Variants in QSER1 observed in about 807,000 individuals in gnomAD.
QSER1 encodes glutamine and serine-rich protein 1.
In QSER1, 49 loss-of-function variants were observed where a neutral mutation model predicts 158.5. That is an observed-to-expected ratio of 0.31 (90% CI 0.25 to 0.39). The LOEUF (loss-of-function observed/expected upper bound fraction) is 0.39. Among genes scored for constraint, QSER1 ranks in the 10% least tolerant of loss-of-function variants. QSER1 has a pLI of 1.00. For synonymous variants in QSER1, 650 were observed against 715.5 expected (o/e 0.91, Z 1.46); for missense variants, 1,754 against 2,010.3 (o/e 0.87, Z 2.44).
At chr11:32,935,546 G>A (rs1852140157) in intron 4 of QSER1, 111 bp downstream of exon 4, 1 of 783,784 alleles carries the variant, frequency 1.3e-6, no homozygotes, top group Non-Finnish European at 2.0e-6. Flanking sequence ...ACATTTTCAG[G>A]ACAAAATGTA....
At chr11:32,905,461 A>T (rs1311003280) in intron 1 of QSER1, among the ~76,000 whole-genome samples, 1 of 152,244 alleles carries the variant, frequency 6.6e-6, no homozygotes, top group African/African-American at 2.4e-5. Flanking sequence ...ATTTGGCCAG[A>T]GCCACAAGGG....
At chr11:32,929,349 C>T (rs565176604) in intron 3 of QSER1, among the ~76,000 whole-genome samples, 1 of 152,216 alleles carries the variant, frequency 6.6e-6, no homozygotes, top group African/African-American at 2.4e-5. Context: ...TGACCTCATT[C>T]GATCTGCCTG....
chr11:32,953,978 T>C lies in QSER1; in HGVS notation c.4299T>C (p.Asn1433=). ...TCCACTCTACTTCATATGCAGTAAA[T>C]ATTCTGGAAAATATAAGCTCTTCAG... ...EPLHSTSYAV[N]ILENISSSES... is the part of the protein sequence containing the mutation. Residue 1433 remains asparagine (N), a synonymous_variant, in exon 5 of 13, where the codon AAT becomes AAC. Transcript: ENST00000650167. The C allele has an allele frequency of 6.2e-7, 1 of 1,614,124 alleles. No homozygotes were observed. The highest frequency in any genetic ancestry group is 1.1e-5 in the South Asian group (1 of 91,076).
At chr11:32,937,120 T>TA (rs1273211547) in intron 4 of QSER1, among the ~76,000 whole-genome samples, 1 of 152,216 alleles carries the variant, frequency 6.6e-6, no homozygotes, top group Non-Finnish European at 1.5e-5. Flanking sequence ...CTTCCAGAGA[T>TA]ATGTTATCTC....
At chr11:32,940,816 C>A (rs1179507443) in intron 4 of QSER1, among the ~76,000 whole-genome samples, 1 of 152,048 alleles carries the variant, frequency 6.6e-6, no homozygotes, top group Non-Finnish European at 1.5e-5. Flanking sequence ...TTTTCCTTGT[C>A]AGTCTGTGAA....
In QSER1 at chr11:32,931,732, T is replaced by C. The variant is rs1183165447; in HGVS notation, c.485-11T>C. ...TAATTACATAAAAATCTTTGTGCCT[T>C]TTCTTCATAGGCATGCATTCCTCAG... On this transcript the variant is annotated splice_polypyrimidine_tract_variant and intron_variant, in intron 3 of 12. Coordinates refer to ENST00000650167, the MANE Select transcript of QSER1 (RefSeq NM_001076786.3). 1.3e-6 allele frequency: 2 copies of C among 1,556,158 alleles called. No individual in the cohort carries two copies. Among genetic ancestry groups the C allele is most frequent in the South Asian group, 2.5e-5 (2 of 81,498 alleles).
At chr11:32,931,557 AG>A (rs1475437762) in intron 3 of QSER1, among the ~76,000 whole-genome samples, 185 bp from the exon 4 acceptor site, 1 of 152,056 alleles carries the variant, frequency 6.6e-6, no homozygotes, top group East Asian at 1.9e-4. Context: ...TAAAAAAAAA[AG>A]AAAAGAAAGA....
Position 32,913,179 on chromosome 11 carries a change from CTTTTTTTTTTTTTT to C in QSER1, c.210-13962_210-13949del, listed in dbSNP as rs61685246. Among the ~76,000 whole-genome samples, 484 of 54,386 alleles carry C rather than the reference CTTTTTTTTTTTTTT, an allele frequency of 8.9e-3. 7 individuals are homozygous for C. The highest frequency in any genetic ancestry group is 0.034 in the African/African-American group (448 of 13,362). 35.7% of individuals were successfully genotyped at this position (54,386 alleles called of 152,430 possible). ...TTTCCCTGGATAATTTCTCCTCTTC[CTTTTTTTTTTTTTT>C]TTTTTTTTTTTTTTTAAGATGGAGT... On this transcript the variant is annotated intron_variant, in intron 1 of 12. Transcript: ENST00000650167.
chr11:32,949,818 G>C (rs1172341066), intron 4 of QSER1, among the ~76,000 whole-genome samples: 1 of 152,142 alleles, frequency 6.6e-6, no homozygotes, highest in African/African-American at 2.4e-5. Flanking sequence ...GCTTTAATTT[G>C]GGACAAGAAC....
At chr11:32,969,328 AAATTT>A (rs1430483290) in intron 10 of QSER1, among the ~76,000 whole-genome samples, 185 bp downstream of exon 10, 1 of 152,130 alleles carries the variant, frequency 6.6e-6, no homozygotes, top group Admixed American at 6.5e-5. Flanking sequence ...TTCTCCACTT[AAATTT>A]ATTTTTTAGG....
intron 8 of QSER1, among the ~76,000 whole-genome samples, chr11:32,959,783 G>A (rs1187912232): frequency 6.6e-6 from 1 of 151,988 alleles, no homozygotes; most frequent in Non-Finnish European, 1.5e-5. Context: ...TATTTTTTGA[G>A]TCAAGGTCTA....
intron 1 of QSER1, among the ~76,000 whole-genome samples, chr11:32,904,155 T>A (rs1325790151): frequency 6.6e-6 from 1 of 151,970 alleles, no homozygotes; most frequent in Admixed American, 6.5e-5. Context: ...TCTAGGCCTT[T>A]CTGCAGTCAA....
chr11:32,896,359 T>C (rs1166739285), intron 1 of QSER1, among the ~76,000 whole-genome samples: 1 of 152,196 alleles, frequency 6.6e-6, no homozygotes, highest in Non-Finnish European at 1.5e-5. Context: ...TATTTTATTT[T>C]ATTTTATTTT....
At chr11:32,929,857 T>G (rs1320415743) in intron 3 of QSER1, among the ~76,000 whole-genome samples, 1 of 152,204 alleles carries the variant, frequency 6.6e-6, no homozygotes, top group Admixed American at 6.5e-5. Context: ...GAGAAAGATC[T>G]TTTATCACTC....
chr11:32,899,952 TG>T (rs1851604157), intron 1 of QSER1, among the ~76,000 whole-genome samples: 1 of 152,208 alleles, frequency 6.6e-6, no homozygotes, highest in African/African-American at 2.4e-5. Flanking sequence ...CCTCTCAACC[TG>T]GGCCTCCTCT....
chr11:32,945,262 A>C (rs2133568864), intron 4 of QSER1, among the ~76,000 whole-genome samples: 1 of 150,960 alleles, frequency 6.6e-6, no homozygotes, highest in African/African-American at 2.4e-5. Flanking sequence ...GTTATGTGTG[A>C]ATTTGATCCT....
Position 32,927,929 on chromosome 11 carries a change from TTACTTTGGGATATA to T in QSER1, c.323-31_323-18del. Reference sequence around the variant, plus strand: ...TTTATACAAGTAAATTTTTTTTTTTTTACTTTGGGATATATTTTATCTTCAAATTTAGGTCTTTC... The same window carrying T: ...TTTATACAAGTAAATTTTTTTTTTTTTTTTATCTTCAAATTTAGGTCTTTC... On this transcript the variant is annotated intron_variant, in intron 2 of 12. Coordinates refer to ENST00000650167, the MANE Select transcript of QSER1 (RefSeq NM_001076786.3). 1 of 567,920 alleles carries T rather than the reference TTACTTTGGGATATA, an allele frequency of 1.8e-6. No homozygotes were observed. The highest frequency in any genetic ancestry group is 2.9e-6 in the Non-Finnish European group (1 of 344,208). 35.2% of individuals were successfully genotyped at this position (567,920 alleles called of 1,614,324 possible). A position where few individuals can be genotyped will look rare whatever the true frequency, so the allele number is the denominator to read the frequency against.
chr11:32,975,453 G>C (rs1006681286), intron 12 of QSER1, 110 bp downstream of exon 12: 4 of 1,537,022 alleles, frequency 2.6e-6, no homozygotes, highest in Non-Finnish European at 3.5e-6. Flanking sequence ...ATGTGTGTAT[G>C]TATTTTGTCT....
intron 1 of QSER1, among the ~76,000 whole-genome samples, chr11:32,919,947 T>C (rs1237901236): frequency 6.6e-6 from 1 of 152,220 alleles, no homozygotes; most frequent in Non-Finnish European, 1.5e-5. Context: ...CTTTTCTTTT[T>C]TTCTCCCTCC....
Sources: gnomAD v4.1 joint callset for allele counts (sites outside exome capture counted in the v4.1 genomes callset) on GRCh38, gnomAD v4.1.1 for gene constraint, MANE v1.5 for transcripts, NCBI Gene and HGNC (gene_info 2026-07-23, HGNC 2026-07-21) for gene names.